MSI2: variants seen among roughly 807,000 people sequenced by gnomAD.
MSI2 encodes musashi RNA binding protein 2.
In MSI2, 17 loss-of-function variants were observed where a neutral mutation model predicts 45.6. That is an observed-to-expected ratio of 0.37 (90% confidence interval 0.26 to 0.56). The LOEUF (loss-of-function observed/expected upper bound fraction) is 0.56, where lower values mean the gene tolerates loss of function less well. MSI2 is among the 20% of genes least tolerant of loss of function. The probability of loss-of-function intolerance (pLI) is 0.77; values close to 1 mark genes in which losing one functional copy is unlikely to be tolerated. For missense variants in MSI2, 293 were observed against 444.2 expected (o/e 0.66, Z 3.06); for synonymous variants, 156 against 158.2 (o/e 0.99, Z 0.11).
At chr17:57,380,574 G>C (rs532449232) in intron 5 of MSI2, among the ~76,000 whole-genome samples, 212 of 152,294 alleles carry the variant, frequency 1.4e-3, no homozygotes, top group Middle Eastern at 0.01. Flanking sequence ...TTCAAAGTGA[G>C]GTCTTTAGAC....
chr17:57,593,980 G>T (rs1163860745), intron 7 of MSI2, among the ~76,000 whole-genome samples: 2 of 152,240 alleles, frequency 1.3e-5, no homozygotes, highest in Non-Finnish European at 2.9e-5. Context: ...AGCACAGGTG[G>T]CAGCTGGTAA....
intron 7 of MSI2, among the ~76,000 whole-genome samples, chr17:57,557,747 G>A (rs2087471356): frequency 1.3e-5 from 2 of 152,238 alleles, no homozygotes; most frequent in Admixed American, 1.3e-4. Flanking sequence ...TCTTGGGAGT[G>A]CACAGTCCCT....
intron 10 of MSI2, among the ~76,000 whole-genome samples, chr17:57,644,029 G>GC (rs549017551): frequency 4.6e-5 from 7 of 151,958 alleles, no homozygotes; most frequent in South Asian, 2.1e-4. Flanking sequence ...GCGAGACATT[G>GC]CCCCCCCAGG....
chr17:57,519,992 T>G (rs2086550942), intron 6 of MSI2, among the ~76,000 whole-genome samples: 1 of 152,034 alleles, frequency 6.6e-6, no homozygotes, highest in Non-Finnish European at 1.5e-5. Flanking sequence ...AGGAGTTTGA[T>G]ACCAGCCTGG....
At chr17:57,425,333 C>T (rs2084471061) in intron 6 of MSI2, among the ~76,000 whole-genome samples, 1 of 152,152 alleles carries the variant, frequency 6.6e-6, no homozygotes, top group Non-Finnish European at 1.5e-5. Context: ...AAAAGACATA[C>T]TAGAAAAAAT....
At position 57,529,480 on chromosome 17, in the gene MSI2, A is replaced by T. The variant is rs1211164179; in HGVS notation, c.406-196A>T. ...CTAAAGGGAACTATATAAAATGTTAACTGTATACAACGGTGTGGAGTGGAA... is the reference window on the plus strand; with the variant it reads ...CTAAAGGGAACTATATAAAATGTTATCTGTATACAACGGTGTGGAGTGGAA... On this transcript the variant is annotated intron_variant, in intron 6 of 13. Transcript: ENST00000284073. The surrounding 1 kb of genome is among the most constrained non-coding windows in gnomAD (Gnocchi z 5.3). Among the ~76,000 whole-genome samples, 1 of 151,564 alleles carries T rather than the reference A, an allele frequency of 6.6e-6. No individual in the cohort carries two copies. Among genetic ancestry groups the T allele is most frequent in the Non-Finnish European group, 1.5e-5 (1 of 67,958 alleles).
chr17:57,402,905 A>G (rs2084018764), intron 6 of MSI2, among the ~76,000 whole-genome samples: 1 of 152,136 alleles, frequency 6.6e-6, no homozygotes, highest in Non-Finnish European at 1.5e-5. Context: ...TGTGTACGTT[A>G]TAGCACTTCT....
chr17:57,658,484 T>C (rs1012916202), intron 11 of MSI2, among the ~76,000 whole-genome samples: 1 of 152,246 alleles, frequency 6.6e-6, no homozygotes, highest in East Asian at 1.9e-4. Flanking sequence ...CCAGTGAATT[T>C]ATAATAATGC....
In MSI2 at chr17:57,482,269, TC is replaced by T. The variant is rs1375389002; in HGVS notation, c.406-47404del. On this transcript the variant is annotated intron_variant, in intron 6 of 13. Transcript: ENST00000284073. Reference sequence around the variant, plus strand: ...ATTGTCTTGGAGTGTCTTGCCTGTCTCCCGAGATTGTTGGAAACACCATCGG... The same window carrying T: ...ATTGTCTTGGAGTGTCTTGCCTGTCTCCGAGATTGTTGGAAACACCATCGG... 5.3e-5 allele frequency among the ~76,000 whole-genome samples: 8 copies of T among 152,178 alleles called. No homozygotes were observed. In the East Asian group the frequency reaches 1.5e-3, roughly 29 times the overall value.
chr17:57,468,205 C>T (rs1232673616), intron 6 of MSI2, among the ~76,000 whole-genome samples: 5 of 151,700 alleles, frequency 3.3e-5, no homozygotes, highest in East Asian at 2.0e-4. Flanking sequence ...GAGAATTCAA[C>T]GAGACAATGC....
chr17:57,530,959 G>A (rs986965518), intron 7 of MSI2, among the ~76,000 whole-genome samples: 5 of 149,804 alleles, frequency 3.3e-5, no homozygotes, highest in Non-Finnish European at 5.9e-5. Flanking sequence ...TTTATGGAGG[G>A]AAGAGATGGC....
chr17:57,558,832 G>T (rs541921700), intron 7 of MSI2, among the ~76,000 whole-genome samples: 1 of 152,150 alleles, frequency 6.6e-6, no homozygotes, highest in African/African-American at 2.4e-5. Flanking sequence ...AGGCCAAGGC[G>T]GGCAGATCAC....
At chr17:57,631,492 T>C in intron 10 of MSI2, 2 of 334,276 alleles carry the variant, frequency 6.0e-6, no homozygotes, top group Non-Finnish European at 1.1e-5. Flanking sequence ...GGCACCTGGC[T>C]GTGCCCATCT....
Position 57,433,814 on chromosome 17 carries a change from C to T in MSI2, c.405+32343C>T, listed in dbSNP as rs114009659. 7.3e-3 allele frequency among the ~76,000 whole-genome samples: 1,114 copies of T among 152,364 alleles called. 11 individuals carry two copies. The highest frequency in any genetic ancestry group is 0.025 in the African/African-American group (1,058 of 41,576). On this transcript the variant is annotated intron_variant, in intron 6 of 13. Coordinates refer to ENST00000284073, the MANE Select transcript of MSI2 (RefSeq NM_138962.4). The stretch of plus-strand genomic sequence containing the variant: ...GCCGCTCATGCGGATTGTGGTTGTA[C>T]TGTTGCGTGTTCCTCTGGCCCCCTC...
At chr17:57,537,657 CG>C (rs2086949358) in intron 7 of MSI2, among the ~76,000 whole-genome samples, 1 of 152,252 alleles carries the variant, frequency 6.6e-6, no homozygotes, top group East Asian at 1.9e-4. Context: ...TTTTTTCCCC[CG>C]AGTTAACTCA....
chr17:57,624,310 G>A (rs1017903135), intron 9 of MSI2, among the ~76,000 whole-genome samples: 2 of 152,192 alleles, frequency 1.3e-5, no homozygotes, highest in African/African-American at 4.8e-5. Flanking sequence ...GCCATGACTT[G>A]GCTGTTTGCA....
the MSI2 span, among the ~76,000 whole-genome samples, chr17:57,700,622 G>A: frequency 6.6e-6 from 1 of 152,172 alleles, no homozygotes; most frequent in Non-Finnish European, 1.5e-5. Context: ...GTCAGCCTGG[G>A]CCGGGCGCGG....
intron 6 of MSI2, among the ~76,000 whole-genome samples, chr17:57,491,884 G>A (rs2085879683): frequency 1.3e-5 from 2 of 152,066 alleles, no homozygotes; most frequent in Admixed American, 1.3e-4. Context: ...GAATCCACAA[G>A]TCTGGCCAGA....
intron 6 of MSI2, among the ~76,000 whole-genome samples, chr17:57,492,533 G>T (rs773160752): frequency 5.3e-5 from 8 of 152,168 alleles, no homozygotes; most frequent in Non-Finnish European, 7.3e-5. Context: ...GAGTACATGG[G>T]GCCTCTTTCC....
Sources: allele counts gnomAD v4.1 joint callset (sites outside exome capture counted in the v4.1 genomes callset), GRCh38; gene constraint gnomAD v4.1.1; non-coding constraint Gnocchi (gnomAD v3.1); transcripts MANE v1.5; gene names NCBI Gene and HGNC (gene_info 2026-07-23, HGNC 2026-07-21).